LTBP1: variants seen among roughly 807,000 people sequenced by gnomAD.
The protein encoded by LTBP1 is latent transforming growth factor beta binding protein 1.
Under a neutral mutation model 207.6 loss-of-function variants are expected in LTBP1, and 129 were observed. The ratio of observed to expected loss-of-function variants is 0.62; its 90% CI spans 0.54 to 0.72. The LOEUF is 0.72. Ranked by LOEUF, LTBP1 falls within the 30% of genes least tolerant of loss-of-function variation. LTBP1 has a pLI of 0.00. For missense variants in LTBP1, 2,281 were observed against 2,217.2 expected (o/e 1.03, Z -0.58); for synonymous variants, 963 against 833.7 (o/e 1.16, Z -2.67).
At chr2:33,085,836 G>A (rs1486397328) in intron 3 of LTBP1, among the ~76,000 whole-genome samples, 3 of 152,150 alleles carry the variant, frequency 2.0e-5, no homozygotes, top group Non-Finnish European at 2.9e-5. Context: ...ATGTGGTTTG[G>A]CATGTTCTGG....
rs551532401 is a variant in LTBP1, at chr2:33,138,937, C to T, written c.1201+3977C>T. ...GCAGTGGCGCGATCTCGGCTCACTG[C>T]AAGCTCCGCCTCCCGGGTTCACGCC... is the stretch of plus-strand genomic sequence containing the variant. On this transcript the variant is annotated intron_variant, in intron 5 of 33. Coordinates refer to ENST00000404816, the MANE Select transcript of LTBP1 (RefSeq NM_206943.4). Among the ~76,000 whole-genome samples the T allele has an allele frequency of 3.8e-3, 526 of 136,980 alleles. 2 individuals are homozygous for T. The highest frequency in any genetic ancestry group is 5.2e-3 in the Non-Finnish European group (341 of 65,490). The allele number at this position is 136,980 out of a possible 152,430, so 89.9% of individuals were successfully genotyped here.
At chr2:33,158,075 G>A (rs1323138022) in intron 5 of LTBP1, among the ~76,000 whole-genome samples, 1 of 145,008 alleles carries the variant, frequency 6.9e-6, no homozygotes, top group Non-Finnish European at 1.5e-5. Context: ...GGCGGTGATT[G>A]CAGCAAGCCA....
intron 2 of LTBP1, among the ~76,000 whole-genome samples, chr2:32,959,610 TATA>T (rs1678710766): frequency 2.1e-5 from 1 of 47,828 alleles, no homozygotes; most frequent in Non-Finnish European, 4.7e-5. Flanking sequence ...TATATATATA[TATA>T]TATATATATT....
At chr2:33,389,417 C>A in intron 32 of LTBP1, 111 bp downstream of exon 32, 1 of 1,433,422 alleles carries the variant, frequency 7.0e-7, no homozygotes, top group Non-Finnish European at 9.6e-7. Flanking sequence ...TGGTCCCACC[C>A]CAGACCTGCT....
intron 22 of LTBP1, among the ~76,000 whole-genome samples, chr2:33,303,777 G>A (rs1462471588): frequency 6.6e-6 from 1 of 152,170 alleles, no homozygotes; most frequent in Non-Finnish European, 1.5e-5. Flanking sequence ...AGCTCAGGCG[G>A]TAATGCTCGC....
At chr2:33,086,312 A>G (rs1263642293) in intron 3 of LTBP1, among the ~76,000 whole-genome samples, 1 of 152,206 alleles carries the variant, frequency 6.6e-6, no homozygotes, top group Admixed American at 6.5e-5. Flanking sequence ...CAGTTAATAG[A>G]GTTGCAAGAT....
intron 24 of LTBP1, among the ~76,000 whole-genome samples, chr2:33,336,318 G>C (rs114204330): frequency 4.3e-4 from 66 of 152,288 alleles, no homozygotes; most frequent in African/African-American, 1.6e-3. Context: ...TCATCATGGT[G>C]ACAGGTAAGA....
chr2:33,243,746 T>C lies in LTBP1; in HGVS notation c.1961T>C (p.Ile654Thr), dbSNP rs1257069141. Residue 654 changes from isoleucine to threonine, a missense_variant, in exon 10 of 34, where the codon ATA (isoleucine) becomes ACA (threonine). Ile to Thr is a moderately conservative substitution (Grantham distance 89). Around this residue, in one of 3 missense-constraint regions of LTBP1, gnomAD observed 1,671 missense variants for 1,634.8 expected, o/e 1.02. Coordinates refer to ENST00000404816, the MANE Select transcript of LTBP1 (RefSeq NM_206943.4). ...TMGSYRCTCK[I>T]GFGPDPTFSS... ...GGCAGCTATCGATGTACCTGCAAAATAGGATTTGGGCCGGATCCTACCTTT... is the reference window on the plus strand; with the variant it reads ...GGCAGCTATCGATGTACCTGCAAAACAGGATTTGGGCCGGATCCTACCTTT... 6.2e-7 allele frequency: 1 copy of C among 1,614,106 alleles called. No homozygotes were observed. The highest frequency in any genetic ancestry group is 8.5e-7 in the Non-Finnish European group (1 of 1,179,972).
intron 3 of LTBP1, among the ~76,000 whole-genome samples, chr2:33,087,791 G>T (rs563531136): frequency 6.6e-6 from 1 of 152,254 alleles, no homozygotes; most frequent in East Asian, 1.9e-4. Flanking sequence ...TGCATTTCTC[G>T]AGTTTTCGGA....
chr2:33,081,430 T>C (rs1244817317), intron 3 of LTBP1, among the ~76,000 whole-genome samples: 3 of 151,960 alleles, frequency 2.0e-5, no homozygotes, highest in Non-Finnish European at 4.4e-5. Flanking sequence ...CACACACATA[T>C]GTAAAGTGGT....
At chr2:33,138,543 G>A (rs954953678) in intron 5 of LTBP1, among the ~76,000 whole-genome samples, 7 of 151,988 alleles carry the variant, frequency 4.6e-5, no homozygotes, top group East Asian at 3.9e-4. Context: ...CAGGTTCACC[G>A]TTGTTGTTTT....
At chr2:33,267,694 C>T (rs1373860708) in intron 15 of LTBP1, among the ~76,000 whole-genome samples, 1 of 152,152 alleles carries the variant, frequency 6.6e-6, no homozygotes, top group East Asian at 1.9e-4. Flanking sequence ...TGAAGATAAA[C>T]TCTAGTTTTG....
At chr2:33,097,824 C>A (rs1401391346) in intron 3 of LTBP1, among the ~76,000 whole-genome samples, 9 of 152,082 alleles carry the variant, frequency 5.9e-5, no homozygotes, top group Non-Finnish European at 7.4e-5. Context: ...TATAGCACTC[C>A]ATTTTGTAAA....
chr2:33,398,436 G>A lies in LTBP1; in HGVS notation c.5057G>A (p.Gly1686Asp), dbSNP rs1372438585. Reference protein sequence around the residue: ...CKNAKCINTDGSYKCLCLPGY... With the variant: ...CKNAKCINTDDSYKCLCLPGY... Reference sequence around the variant, plus strand: ...AATGCCAAGTGCATTAACACCGATGGTTCCTACAAGTGTTTGTGTCTGCCA... The same window carrying A: ...AATGCCAAGTGCATTAACACCGATGATTCCTACAAGTGTTTGTGTCTGCCA... Residue 1686 changes from glycine to aspartate, a missense_variant, in exon 34 of 34, where the codon GGT becomes GAT. Transcript: ENST00000404816. 94 of 1,614,070 alleles carry A rather than the reference G, an allele frequency of 5.8e-5. No individual in the cohort carries two copies. Among genetic ancestry groups the A allele is most frequent in the Non-Finnish European group, 7.9e-5 (93 of 1,180,036 alleles).
chr2:33,097,206 G>A (rs771749474), intron 3 of LTBP1, among the ~76,000 whole-genome samples: 1 of 152,094 alleles, frequency 6.6e-6, no homozygotes, highest in African/African-American at 2.4e-5. Context: ...CTTTTAAATT[G>A]TGTATGTTTA....
chr2:33,312,491 C>T (rs904714416), intron 23 of LTBP1, among the ~76,000 whole-genome samples: 5 of 152,096 alleles, frequency 3.3e-5, no homozygotes, highest in East Asian at 1.9e-4. Context: ...TTTTGATTTA[C>T]GCATGCCAAA....
chr2:33,210,879 G>A (rs1170747173), intron 7 of LTBP1, among the ~76,000 whole-genome samples: 2 of 152,184 alleles, frequency 1.3e-5, no homozygotes, highest in East Asian at 3.8e-4. Flanking sequence ...CCTAAACACA[G>A]TCCTACTTAC....
rs753715614 is a variant in LTBP1 at position 33,365,496 on chromosome 2, G to A, written c.4704G>A (p.Lys1568=). 4.3e-6 allele frequency: 7 copies of A among 1,613,680 alleles called. No individual in the cohort carries two copies. The South Asian group carries it at 7.7e-5, about 18-fold the overall frequency. ...WGMQCALCPL[K]DSDDYAQLCN... ...TGCAGTGTGCCCTCTGCCCCCTGAAGGATTCAGGTGAGCCCATATCCAATT... is the reference window on the plus strand; with the variant it reads ...TGCAGTGTGCCCTCTGCCCCCTGAAAGATTCAGGTGAGCCCATATCCAATT... The change falls in exon 31 of 34, where the codon AAG becomes AAA. Residue 1568 remains lysine (K), a synonymous_variant. Transcript: ENST00000404816.
At chr2:33,276,322 C>CGTTTTGTTTTTT (rs1275281790) in intron 18 of LTBP1, among the ~76,000 whole-genome samples, 1 of 152,140 alleles carries the variant, frequency 6.6e-6, no homozygotes, top group African/African-American at 2.4e-5. Flanking sequence ...GTCTCCAATG[C>CGTTTTGTTTTTT]TTTCTTTTAC....
Sources: gnomAD v4.1 joint callset for allele counts (sites outside exome capture counted in the v4.1 genomes callset) on GRCh38, gnomAD v4.1.1 for gene constraint, gnomAD v4.1.1 regional missense constraint, MANE v1.5 for transcripts, NCBI Gene and HGNC (gene_info 2026-07-23, HGNC 2026-07-21) for gene names.